The following AHRR variants were observed in gnomAD, a reference collection of about 807,000 sequenced individuals.
AHRR encodes the protein aryl hydrocarbon receptor repressor, also known as ahR repressor.
In AHRR, 28 loss-of-function variants were observed where a neutral mutation model predicts 44.0. That is an observed-to-expected ratio of 0.64 (90% CI 0.47 to 0.87). AHRR has a LOEUF of 0.87. Among genes scored for constraint, AHRR ranks in the 40% least tolerant of loss-of-function variants. AHRR has a pLI of 0.00. For synonymous variants in AHRR, 434 were observed against 407.0 expected (o/e 1.07, Z -0.80); for missense variants, 990 against 953.9 (o/e 1.04, Z -0.50).
chr5:347,285 G>T (rs1742710946), intron 2 of AHRR, among the ~76,000 whole-genome samples: 1 of 152,122 alleles, frequency 6.6e-6, no homozygotes, highest in Admixed American at 6.6e-5. Context: ...ATTAATTTTT[G>T]AATGGGTTTC....
chr5:348,175 G>T (rs1742742681), intron 2 of AHRR, among the ~76,000 whole-genome samples: 1 of 152,152 alleles, frequency 6.6e-6, no homozygotes, highest in Admixed American at 6.5e-5. Context: ...TGGATGACAT[G>T]GGTGATCCTG....
intron 8 of AHRR, among the ~76,000 whole-genome samples, chr5:429,565 C>T (rs781527593): frequency 7.9e-5 from 12 of 152,348 alleles, no homozygotes; most frequent in Middle Eastern, 3.4e-3. Flanking sequence ...GAGACCCACC[C>T]GACTTGTCCT....
intron 1 of AHRR, among the ~76,000 whole-genome samples, chr5:340,915 C>G (rs2126353822): frequency 6.7e-6 from 1 of 149,570 alleles, no homozygotes; most frequent in Middle Eastern, 3.6e-3. Context: ...CCAGGCTGGT[C>G]TTGAACTCCT....
chr5:397,427 A>G (rs1255764990), intron 4 of AHRR, among the ~76,000 whole-genome samples: 3 of 100,298 alleles, frequency 3.0e-5, no homozygotes, highest in South Asian at 4.5e-4. Context: ...GCCCCTGACC[A>G]TCCACGTAGC....
chr5:334,397 G>T (rs1291321991), intron 1 of AHRR, among the ~76,000 whole-genome samples: 1 of 152,022 alleles, frequency 6.6e-6, no homozygotes, highest in Non-Finnish European at 1.5e-5. Flanking sequence ...CACAGGCTTT[G>T]CTCATTCTTT....
At position 423,970 on chromosome 5, in the gene AHRR, G is replaced by A. The variant is rs1046764277; in HGVS notation, c.701G>A (p.Gly234Asp). 1.3e-6 allele frequency: 2 copies of A among 1,599,246 alleles called. No homozygotes were observed. The highest frequency in any genetic ancestry group is 8.5e-7 in the Non-Finnish European group (1 of 1,179,190). ...RVRCLLDSTSGFLTMQFQGKL... is the reference protein window; with the variant it reads ...RVRCLLDSTSDFLTMQFQGKL... ...CGCTGCCTGCTGGACAGCACCTCGG[G>A]CTTCCTGGTGAGTGCGTGGGTCCCT... Residue 234 changes from glycine (G) to aspartate (D), a missense_variant, in exon 7 of 11, where the codon GGC becomes GAC. Transcript: ENST00000684583.
intron 5 of AHRR, among the ~76,000 whole-genome samples, chr5:414,663 C>T (rs1326327043): frequency 1.3e-5 from 2 of 152,004 alleles, no homozygotes; most frequent in Middle Eastern, 3.2e-3. Context: ...AGGAAACTGG[C>T]AAACAAATAG....
chr5:376,517 G>A, intron 3 of AHRR, 93 bp from the exon 4 acceptor site: 16 of 1,362,072 alleles, frequency 1.2e-5, no homozygotes, highest in South Asian at 7.3e-5. Flanking sequence ...GAACCGTGGG[G>A]TGAACGCGGG....
rs542713317 is a variant in AHRR, at chr5:427,998, G to A, written c.900G>A (p.Ala300=). 3.5e-5 allele frequency: 56 copies of A among 1,613,718 alleles called. 1 individual carries two copies. The highest frequency in any genetic ancestry group is 1.7e-4 in the Middle Eastern group (1 of 6,056). ...CCAGAGCAGACACCGCAGCCACCGCGGATGCAAAGTGAGTAAGACTCGCCC... is the reference window on the plus strand; with the variant it reads ...CCAGAGCAGACACCGCAGCCACCGCAGATGCAAAGTGAGTAAGACTCGCCC... ...AKPRADTAAT[A]DAKVKATTSL... Residue 300 remains alanine (A), a synonymous_variant, in exon 8 of 11, where the codon GCG becomes GCA. Transcript: ENST00000684583.
At chr5:398,863 C>T (rs765326600) in intron 4 of AHRR, among the ~76,000 whole-genome samples, 21 of 152,182 alleles carry the variant, frequency 1.4e-4, no homozygotes, top group Non-Finnish European at 3.1e-4. Context: ...CTCCAGCAGC[C>T]GCCCCCGTCT....
At chr5:368,882 C>G (rs888150880) in intron 3 of AHRR, among the ~76,000 whole-genome samples, 1 of 152,226 alleles carries the variant, frequency 6.6e-6, no homozygotes, top group African/African-American at 2.4e-5. Flanking sequence ...TGTGAAATCT[C>G]TGAAGCTCTC....
At chr5:345,335 GATGTGTGTGTGTGTGTGTC>G (rs1742607964) in intron 2 of AHRR, among the ~76,000 whole-genome samples, 1 of 10,096 alleles carries the variant, frequency 9.9e-5, no homozygotes, top group African/African-American at 4.2e-4. Flanking sequence ...TGTGTGTGGG[GATGTGTGTGTGTGTGTGTC>G]GGATGATGTC....
At chr5:401,972 A>T (rs1237615954) in intron 4 of AHRR, among the ~76,000 whole-genome samples, 1 of 152,174 alleles carries the variant, frequency 6.6e-6, no homozygotes, top group African/African-American at 2.4e-5. Flanking sequence ...AAACTGAAAA[A>T]CTTTTGCCCA....
At chr5:421,831 T>C (rs1440560302) in intron 5 of AHRR, among the ~76,000 whole-genome samples, 1 of 152,162 alleles carries the variant, frequency 6.6e-6, no homozygotes, top group Admixed American at 6.5e-5. Flanking sequence ...CTCGTCCCTT[T>C]AGGGTGAGTT....
intron 1 of AHRR, among the ~76,000 whole-genome samples, chr5:333,239 T>C (rs904896533): frequency 9.9e-5 from 15 of 152,210 alleles, no homozygotes; most frequent in Non-Finnish European, 1.5e-5. Flanking sequence ...AGTGAGTTTC[T>C]TGTATGCAGC....
At chr5:429,634 C>T (rs894556697) in intron 8 of AHRR, among the ~76,000 whole-genome samples, 3 of 152,258 alleles carry the variant, frequency 2.0e-5, no homozygotes, top group East Asian at 1.9e-4. Flanking sequence ...AGCCTTGCCG[C>T]GCGATCCTGC....
At chr5:425,023 G>C (rs1264003904) in intron 7 of AHRR, among the ~76,000 whole-genome samples, 1 of 152,188 alleles carries the variant, frequency 6.6e-6, no homozygotes, top group Non-Finnish European at 1.5e-5. Context: ...GCAATTCAAT[G>C]CCACAAGGCC....
At chr5:423,778 G>A in intron 6 of AHRR, 63 bp from the exon 7 acceptor site, 1 of 1,536,662 alleles carries the variant, frequency 6.5e-7, no homozygotes, top group East Asian at 2.3e-5. Context: ...GCGTGGTTGT[G>A]CGTGTGACAC....
chr5:381,327 A>C (rs1210899700), intron 4 of AHRR, among the ~76,000 whole-genome samples: 1 of 152,186 alleles, frequency 6.6e-6, no homozygotes, highest in East Asian at 1.9e-4. Flanking sequence ...TTGTCTGAGA[A>C]TAGAGTTGGT....
Sources: gnomAD v4.1 joint callset for allele counts (sites outside exome capture counted in the v4.1 genomes callset) on GRCh38, gnomAD v4.1.1 for gene constraint, MANE v1.5 for transcripts, NCBI Gene and HGNC (gene_info 2026-07-23, HGNC 2026-07-21) for gene names.